Variants in TMTC2 observed in about 807,000 individuals in gnomAD.
The protein encoded by TMTC2 is protein O-mannosyl-transferase TMTC2.
Under a neutral mutation model 82.4 loss-of-function variants are expected in TMTC2, and 43 were observed. The ratio of observed to expected loss-of-function variants is 0.52; its 90% CI spans 0.41 to 0.67. TMTC2 has a LOEUF of 0.67. TMTC2 is among the 30% of genes least tolerant of loss of function. The probability of loss-of-function intolerance (pLI) is 0.00; values close to 1 mark genes in which losing one functional copy is unlikely to be tolerated. For synonymous variants in TMTC2, 408 were observed against 381.9 expected (o/e 1.07, Z -0.80); for missense variants, 919 against 1,012.4 (o/e 0.91, Z 1.25).
chr12:82,715,362 G>T (rs148409559), intron 1 of TMTC2, among the ~76,000 whole-genome samples: 1 of 152,276 alleles, frequency 6.6e-6, no homozygotes, highest in East Asian at 1.9e-4. Flanking sequence ...CATGCAGTGA[G>T]ATATGGATGT....
chr12:83,101,727 CCA>C lies in TMTC2; in HGVS notation c.2332-30482_2332-30481del, dbSNP rs1393301835. On this transcript the variant is annotated intron_variant, in intron 11 of 11. Transcript: ENST00000321196. ...AAGAACTAACTTTATTCTTCAGGGT[CCA>C]GAGATCTCTGGATCAATATGGGGAT... Among the ~76,000 whole-genome samples, 21 of 152,228 alleles carry C rather than the reference CCA, an allele frequency of 1.4e-4. No individual in the cohort carries two copies. The East Asian group carries it at 3.7e-3, about 27-fold the overall frequency.
intron 1 of TMTC2, among the ~76,000 whole-genome samples, chr12:82,761,311 G>A (rs1446610903): frequency 6.6e-6 from 1 of 152,212 alleles, no homozygotes. Flanking sequence ...AGCCTGGTAT[G>A]TTATGATGTT....
At chr12:83,005,883 C>T (rs911467238) in intron 8 of TMTC2, among the ~76,000 whole-genome samples, 1 of 152,216 alleles carries the variant, frequency 6.6e-6, no homozygotes, top group Non-Finnish European at 1.5e-5. Context: ...CCTGTTCTCT[C>T]CCAGTCCATT....
chr12:82,757,568 C>T (rs186593485), intron 1 of TMTC2, among the ~76,000 whole-genome samples: 4 of 152,234 alleles, frequency 2.6e-5, no homozygotes, highest in Admixed American at 2.0e-4. Context: ...TGCTTATTAT[C>T]ACCATTTCTG....
chr12:82,872,801 A>G (rs908978515), intron 2 of TMTC2, among the ~76,000 whole-genome samples: 5 of 152,188 alleles, frequency 3.3e-5, no homozygotes, highest in Admixed American at 6.5e-5. Context: ...AAAGGCCTAC[A>G]TGTTCCCTTA....
At chr12:82,986,319 A>C (rs1879152713) in intron 8 of TMTC2, 1 of 357,966 alleles carries the variant, frequency 2.8e-6, no homozygotes, top group African/African-American at 2.0e-5. Flanking sequence ...TCTAGATAAG[A>C]TGTGAGATGT....
intron 2 of TMTC2, among the ~76,000 whole-genome samples, chr12:82,863,448 C>T (rs1182645108): frequency 6.6e-6 from 1 of 152,106 alleles, no homozygotes; most frequent in African/African-American, 2.4e-5. Flanking sequence ...ATATTCATGA[C>T]CTGTAGTACT....
chr12:82,822,153 G>A (rs1021700786), intron 1 of TMTC2, among the ~76,000 whole-genome samples: 8 of 152,212 alleles, frequency 5.3e-5, no homozygotes, highest in East Asian at 1.9e-4. Context: ...AATGGTTGCC[G>A]TGAAGGAGGG....
At chr12:82,871,687 G>GTGTA (rs1178493386) in intron 2 of TMTC2, among the ~76,000 whole-genome samples, 375 of 115,850 alleles carry the variant, frequency 3.2e-3, no homozygotes, top group African/African-American at 0.015. Context: ...TCATCTGTGT[G>GTGTA]TGTGTGTGTG....
chr12:82,893,123 G>A (rs1457624999), intron 2 of TMTC2, among the ~76,000 whole-genome samples: 2 of 152,056 alleles, frequency 1.3e-5, no homozygotes, highest in Non-Finnish European at 2.9e-5. Flanking sequence ...TGTAATCCCA[G>A]CACTTTGGGA....
intron 1 of TMTC2, among the ~76,000 whole-genome samples, chr12:82,783,057 G>T (rs911983074): frequency 2.6e-5 from 4 of 151,986 alleles, no homozygotes; most frequent in South Asian, 2.1e-4. Flanking sequence ...TAGAATTTTT[G>T]ATTAGAAATG....
In TMTC2 at chr12:83,065,802, C is replaced by G. The variant is rs939476554; in HGVS notation, c.2331+3971C>G. ...TTTGTTCTTCCTGTGGGAATTAAGC[C>G]AAATTCTGCATTAACTTATGGATTT... On this transcript the variant is annotated intron_variant, in intron 11 of 11. Coordinates refer to ENST00000321196, the MANE Select transcript of TMTC2 (RefSeq NM_152588.3). Among the ~76,000 whole-genome samples the G allele has an allele frequency of 2.6e-5, 4 of 151,784 alleles. 1 individual carries two copies. The highest frequency in any genetic ancestry group is 2.6e-4 in the Admixed American group (4 of 15,202).
chr12:82,920,459 T>C (rs539020341), intron 3 of TMTC2, among the ~76,000 whole-genome samples: 1 of 152,334 alleles, frequency 6.6e-6, no homozygotes, highest in South Asian at 2.1e-4. Context: ...ATTGTTCTTC[T>C]GCCTTTCAAA....
chr12:82,958,982 A>T (rs1354788977), intron 4 of TMTC2, among the ~76,000 whole-genome samples: 1 of 152,138 alleles, frequency 6.6e-6, no homozygotes, highest in African/African-American at 2.4e-5. Flanking sequence ...ATAAAGTTTC[A>T]TGATACAAAA....
chr12:82,972,247 T>C (rs1317932520), intron 7 of TMTC2, among the ~76,000 whole-genome samples: 1 of 152,172 alleles, frequency 6.6e-6, no homozygotes, highest in South Asian at 2.1e-4. Flanking sequence ...TATTTGCCTT[T>C]ATTTTCATCA....
intron 11 of TMTC2, among the ~76,000 whole-genome samples, chr12:83,120,063 G>C (rs1222274628): frequency 6.6e-6 from 1 of 152,116 alleles, no homozygotes; most frequent in Non-Finnish European, 1.5e-5. Context: ...GCAGATAGTT[G>C]GCTGGTGAAT....
intron 1 of TMTC2, among the ~76,000 whole-genome samples, chr12:82,765,464 T>A (rs1290488078): frequency 6.6e-6 from 1 of 151,976 alleles, no homozygotes; most frequent in Non-Finnish European, 1.5e-5. Context: ...CACCTGAGGT[T>A]GGGAGTTTGA....
chr12:83,108,824 G>A lies in TMTC2; in HGVS notation c.2332-23386G>A, dbSNP rs374580583. ...TGATTAAAGTTAGGTGCTAACAAGT[G>A]AAGATTGTCTTTCAAAGTTAACTTT... On this transcript the variant is annotated intron_variant, in intron 11 of 11. Coordinates refer to ENST00000321196, the MANE Select transcript of TMTC2 (RefSeq NM_152588.3). Among the ~76,000 whole-genome samples the A allele has an allele frequency of 1.6e-4, 25 of 152,252 alleles. No individual in the cohort carries two copies. The South Asian group carries it at 5.2e-3, about 32-fold the overall frequency.
intron 8 of TMTC2, among the ~76,000 whole-genome samples, chr12:83,016,560 C>T (rs1481757820): frequency 6.6e-6 from 1 of 152,162 alleles, no homozygotes; most frequent in African/African-American, 2.4e-5. Flanking sequence ...GTAGGAATTA[C>T]CCCAGTTTAT....
Sources: gnomAD v4.1 joint callset for allele counts (sites outside exome capture counted in the v4.1 genomes callset) on GRCh38, gnomAD v4.1.1 for gene constraint, MANE v1.5 for transcripts, NCBI Gene and HGNC (gene_info 2026-07-23, HGNC 2026-07-21) for gene names.